The following GRIN2A variants were observed in gnomAD, a reference collection of about 807,000 sequenced individuals.
The protein encoded by GRIN2A is glutamate ionotropic receptor NMDA type subunit 2A.
Under a neutral mutation model 113.4 loss-of-function variants are expected in GRIN2A, and 22 were observed. The ratio of observed to expected loss-of-function variants is 0.19; its 90% CI spans 0.14 to 0.28. GRIN2A has a LOEUF of 0.28. Among genes scored for constraint, GRIN2A ranks in the 10% least tolerant of loss-of-function variants. The pLI is 1.00. For missense variants in GRIN2A, 1,502 were observed against 1,887.0 expected, an observed-to-expected ratio of 0.80 and a Z score of 3.78; for synonymous variants, 827 against 738.4, an observed-to-expected ratio of 1.12 and a Z score of -1.94.
intron 11 of GRIN2A, among the ~76,000 whole-genome samples, chr16:9,793,796 A>G (rs1544606): frequency 0.33 from 50,071 of 151,624 alleles, 8,387 homozygotes; most frequent in African/African-American, 0.39. Flanking sequence ...TATATACCAC[A>G]TACATAACAC....
At chr16:9,877,109 A>G (rs2043383533) in intron 4 of GRIN2A, among the ~76,000 whole-genome samples, 1 of 152,188 alleles carries the variant, frequency 6.6e-6, no homozygotes, top group African/African-American at 2.4e-5. Flanking sequence ...CCTAAATTTG[A>G]ATCCTTTCTC....
chr16:9,883,341 G>C (rs1007054237), intron 4 of GRIN2A, among the ~76,000 whole-genome samples: 2 of 152,200 alleles, frequency 1.3e-5, no homozygotes, highest in African/African-American at 2.4e-5. Context: ...AAACACAGAT[G>C]AAAGGAACAG....
At chr16:10,166,127 T>C (rs2049917276) in intron 2 of GRIN2A, among the ~76,000 whole-genome samples, 1 of 152,186 alleles carries the variant, frequency 6.6e-6, no homozygotes, top group Non-Finnish European at 1.5e-5. Context: ...AAATATGTCT[T>C]TTTCTTTCAC....
At chr16:10,107,409 C>T (rs1196386476) in intron 2 of GRIN2A, among the ~76,000 whole-genome samples, 1 of 152,182 alleles carries the variant, frequency 6.6e-6, no homozygotes, top group Non-Finnish European at 1.5e-5. Flanking sequence ...GTTGAAACTG[C>T]CCTGAGCTGA....
In GRIN2A at chr16:9,760,028, C is replaced by G. The variant is rs1596370849; in HGVS notation, c.*3121G>C. 4.3e-6 allele frequency: 1 copy of G among 230,530 alleles called. No individual in the cohort carries two copies. Among genetic ancestry groups the G allele is most frequent in the East Asian group, 6.2e-5 (1 of 16,246 alleles). 14.3% of individuals were successfully genotyped at this position (230,530 alleles called of 1,614,324 possible). A position where few individuals can be genotyped will look rare whatever the true frequency, so the allele number is the denominator to read the frequency against. The stretch of plus-strand genomic sequence containing the variant: ...ATCTGAGGACTAGTTGGGTCCTTCT[C>G]AAGTGGGGAAAACCAATTAGAATTA... On this transcript the variant is annotated 3_prime_UTR_variant, in exon 13 of 13. Transcript: ENST00000330684.
intron 4 of GRIN2A, among the ~76,000 whole-genome samples, chr16:9,858,333 T>G (rs2043003075): frequency 1.3e-5 from 2 of 152,206 alleles, no homozygotes; most frequent in South Asian, 4.1e-4. Flanking sequence ...CTATTTTAAT[T>G]CTAATAAACT....
At chr16:9,855,691 G>A (rs1323266761) in intron 4 of GRIN2A, among the ~76,000 whole-genome samples, 2 of 152,142 alleles carry the variant, frequency 1.3e-5, no homozygotes, top group African/African-American at 4.8e-5. Context: ...GGCAAAGGTG[G>A]CACTCCTTAC....
At chr16:9,931,829 A>T (rs1405351963) in intron 3 of GRIN2A, among the ~76,000 whole-genome samples, 1 of 152,222 alleles carries the variant, frequency 6.6e-6, no homozygotes, top group Non-Finnish European at 1.5e-5. Flanking sequence ...ATATGTGTGC[A>T]AAAACACCTG....
At chr16:10,174,189 A>T (rs1468721298) in intron 2 of GRIN2A, among the ~76,000 whole-genome samples, 8 of 152,180 alleles carry the variant, frequency 5.3e-5, no homozygotes, top group Admixed American at 5.2e-4. Flanking sequence ...CTAGCTGTGG[A>T]TGGTGCTGGA....
chr16:9,955,653 G>A (rs1436664136), intron 2 of GRIN2A, among the ~76,000 whole-genome samples: 2 of 152,176 alleles, frequency 1.3e-5, no homozygotes, highest in Non-Finnish European at 2.9e-5. Flanking sequence ...AGAAAGGCAG[G>A]GGCTATGTGT....
intron 2 of GRIN2A, among the ~76,000 whole-genome samples, chr16:10,058,843 G>T (rs191404433): frequency 4.7e-4 from 72 of 152,326 alleles, no homozygotes; most frequent in Admixed American, 1.2e-3. Flanking sequence ...GACAGATGTG[G>T]TGTCTTCCCT....
intron 2 of GRIN2A, among the ~76,000 whole-genome samples, chr16:10,095,203 G>C (rs912261556): frequency 6.6e-6 from 1 of 152,078 alleles, no homozygotes; most frequent in Admixed American, 6.6e-5. Flanking sequence ...AACCACGCCA[G>C]CTCCCTGATC....
At chr16:9,901,603 G>C (rs987954010) in intron 3 of GRIN2A, among the ~76,000 whole-genome samples, 3 of 152,002 alleles carry the variant, frequency 2.0e-5, no homozygotes, top group African/African-American at 7.3e-5. Flanking sequence ...GAGATTACAG[G>C]TGTGCAACAC....
intron 2 of GRIN2A, among the ~76,000 whole-genome samples, chr16:10,030,681 C>T (rs1196641113): frequency 6.6e-6 from 1 of 152,230 alleles, no homozygotes; most frequent in Non-Finnish European, 1.5e-5. Context: ...GGGTCTCTCT[C>T]ATCTTTCCCT....
chr16:9,931,519 G>T (rs959048473), intron 3 of GRIN2A, among the ~76,000 whole-genome samples: 8 of 152,146 alleles, frequency 5.3e-5, no homozygotes, highest in Non-Finnish European at 7.3e-5. Context: ...TGGTAAATAT[G>T]TGGTAAATTC....
chr16:10,028,656 T>C (rs564790418), intron 2 of GRIN2A, among the ~76,000 whole-genome samples: 35 of 152,302 alleles, frequency 2.3e-4, no homozygotes, highest in Admixed American at 1.6e-3. Context: ...ATACCCACCA[T>C]TGGACCATCA....
intron 2 of GRIN2A, among the ~76,000 whole-genome samples, chr16:10,073,125 T>A (rs549434477): frequency 6.6e-6 from 1 of 151,926 alleles, no homozygotes; most frequent in African/African-American, 2.4e-5. Context: ...CTGGCTAGTT[T>A]TTGTATTGTT....
chr16:10,001,228 C>T (rs1017071514), intron 2 of GRIN2A, among the ~76,000 whole-genome samples: 3 of 152,074 alleles, frequency 2.0e-5, no homozygotes, highest in Non-Finnish European at 2.9e-5. Flanking sequence ...AGTGTTTATC[C>T]AAACCAAGAA....
intron 2 of GRIN2A, among the ~76,000 whole-genome samples, chr16:10,037,793 T>C (rs1246078674): frequency 2.0e-5 from 3 of 152,134 alleles, no homozygotes; most frequent in Non-Finnish European, 4.4e-5. Flanking sequence ...CAGCTAATTT[T>C]TGTATTACAG....
Sources: gnomAD v4.1 joint callset for allele counts (sites outside exome capture counted in the v4.1 genomes callset) on GRCh38, gnomAD v4.1.1 for gene constraint, MANE v1.5 for transcripts, NCBI Gene and HGNC (gene_info 2026-07-23, HGNC 2026-07-21) for gene names.